Variants in LIN28B observed in about 807,000 individuals in gnomAD.
LIN28B encodes lin-28 RNA binding posttranscriptional regulator B, also known as protein lin-28 homolog B.
LIN28B carries 5 observed loss-of-function variants against 21.9 expected under a neutral mutation model. The ratio of observed to expected loss-of-function variants is 0.23; its 90% CI spans 0.12 to 0.48. LIN28B has a LOEUF of 0.48. LIN28B is among the 20% of genes least tolerant of loss of function. The pLI is 0.98. For missense variants in LIN28B, 245 were observed against 310.5 expected, an observed-to-expected ratio of 0.79 and a Z score of 1.58; for synonymous variants, 109 against 111.3, an observed-to-expected ratio of 0.98 and a Z score of 0.13.
At chr6:104,971,193 G>A (rs531395312) in intron 2 of LIN28B, among the ~76,000 whole-genome samples, 4 of 151,830 alleles carry the variant, frequency 2.6e-5, no homozygotes, top group Non-Finnish European at 5.9e-5. Flanking sequence ...ACATATTTTC[G>A]TGCAAATAAG....
intron 2 of LIN28B, among the ~76,000 whole-genome samples, chr6:105,007,148 A>AGTTGTT (rs1770833675): frequency 6.6e-6 from 1 of 152,212 alleles, no homozygotes; most frequent in African/African-American, 2.4e-5. Flanking sequence ...AACTTGTTAA[A>AGTTGTT]AATTACTATG....
intron 3 of LIN28B, among the ~76,000 whole-genome samples, chr6:105,038,558 C>T (rs1047426816): frequency 2.0e-5 from 3 of 152,286 alleles, no homozygotes; most frequent in South Asian, 4.2e-4. Context: ...TTCTTCACTT[C>T]CAAATCTTGT....
intron 3 of LIN28B, 79 bp downstream of exon 3, chr6:105,026,561 T>C (rs1582904252): frequency 1.1e-6 from 1 of 917,614 alleles, no homozygotes; most frequent in East Asian, 2.5e-5. Flanking sequence ...TCTTACTGCA[T>C]TTCATATTGT....
chr6:104,952,544 A>T (rs567061783), upstream of LIN28B, among the ~76,000 whole-genome samples: 55 of 152,302 alleles, frequency 3.6e-4, no homozygotes, highest in Middle Eastern at 3.4e-3. Flanking sequence ...TATAATTTTT[A>T]AAAAAAGTTA....
rs561018556 is a variant in LIN28B at position 104,968,542 on chromosome 6, A to G, written c.198+10256A>G. On this transcript the variant is annotated intron_variant, in intron 2 of 3. Transcript: ENST00000345080. Reference sequence around the variant, plus strand: ...CCCACTTAAATTTATTACTTTTGTTAATCTTAAAATTAGACTTTTTAAATC... The same window carrying G: ...CCCACTTAAATTTATTACTTTTGTTGATCTTAAAATTAGACTTTTTAAATC... 2.6e-5 allele frequency among the ~76,000 whole-genome samples: 4 copies of G among 152,308 alleles called. No individual in the cohort carries two copies. The East Asian group carries it at 5.8e-4, about 22-fold the overall frequency.
At chr6:105,030,306 C>G (rs2114347673) in intron 3 of LIN28B, among the ~76,000 whole-genome samples, 1 of 152,288 alleles carries the variant, frequency 6.6e-6, no homozygotes, top group South Asian at 2.1e-4. Flanking sequence ...ATGGCTGGAA[C>G]AGTTACCAAG....
At chr6:104,947,382 C>T (rs572323717) in intron 2 of LIN28B, among the ~76,000 whole-genome samples, 17 of 152,290 alleles carry the variant, frequency 1.1e-4, no homozygotes, top group African/African-American at 3.6e-4. Flanking sequence ...CCTTGGCCTC[C>T]CAAAGTGCTG....
intron 3 of LIN28B, among the ~76,000 whole-genome samples, chr6:105,051,136 A>G (rs1199138020): frequency 1.3e-5 from 2 of 151,498 alleles, no homozygotes; most frequent in Non-Finnish European, 2.9e-5. Flanking sequence ...TGTAGTTAAT[A>G]ATGAGTAAAA....
intron 3 of LIN28B, among the ~76,000 whole-genome samples, chr6:105,054,528 C>T (rs952494468): frequency 6.6e-6 from 1 of 152,188 alleles, no homozygotes. Flanking sequence ...TCTTTATCCC[C>T]ATTTCACCTT....
intron 2 of LIN28B, among the ~76,000 whole-genome samples, chr6:104,972,130 C>A (rs1426566765): frequency 1.3e-5 from 2 of 152,114 alleles, no homozygotes; most frequent in African/African-American, 4.8e-5. Context: ...GCCACCACAC[C>A]TGGCTGATTT....
intron 3 of LIN28B, among the ~76,000 whole-genome samples, chr6:105,044,360 A>G (rs1384298109): frequency 6.6e-6 from 1 of 152,140 alleles, no homozygotes; most frequent in East Asian, 1.9e-4. Flanking sequence ...AATTCCTCAA[A>G]GGTAAATCTC....
intron 2 of LIN28B, among the ~76,000 whole-genome samples, chr6:104,995,659 T>G (rs1770583371): frequency 6.6e-6 from 1 of 152,210 alleles, no homozygotes. Flanking sequence ...GTGACATACT[T>G]TCTTCATAGT....
At chr6:104,955,687 G>A (rs967714220), upstream of LIN28B, among the ~76,000 whole-genome samples, 1 of 151,514 alleles carries the variant, frequency 6.6e-6, no homozygotes, top group Non-Finnish European at 1.5e-5. Flanking sequence ...CTGGCATGGT[G>A]GGGGAGGGTC....
At chr6:104,995,442 A>G (rs918025123) in intron 2 of LIN28B, among the ~76,000 whole-genome samples, 1 of 152,190 alleles carries the variant, frequency 6.6e-6, no homozygotes, top group African/African-American at 2.4e-5. Context: ...GGGGCCAGAT[A>G]TAAAATCTGT....
At chr6:105,042,878 C>G (rs994058099) in intron 3 of LIN28B, among the ~76,000 whole-genome samples, 4 of 152,110 alleles carry the variant, frequency 2.6e-5, no homozygotes, top group Non-Finnish European at 5.9e-5. Flanking sequence ...CTTTTAGCCT[C>G]TCTTAAACAG....
At chr6:104,949,308 A>G (rs1735900642) in intron 2 of LIN28B, among the ~76,000 whole-genome samples, 1 of 152,222 alleles carries the variant, frequency 6.6e-6, no homozygotes, top group Non-Finnish European at 1.5e-5. Flanking sequence ...ATTTTGTTAA[A>G]GTTAGGATCT....
chr6:105,016,102 A>G lies in LIN28B; in HGVS notation c.199-10196A>G, dbSNP rs888785486. ...TGATAGGGATTTTAAAAATTTCTTC[A>G]GCCATCATCTATTAAGTACCTCTTA... On this transcript the variant is annotated intron_variant, in intron 2 of 3. Transcript: ENST00000345080. Among the ~76,000 whole-genome samples the G allele has an allele frequency of 7.2e-5, 11 of 152,208 alleles. 1 individual carries two copies. In the East Asian group the frequency reaches 1.9e-3, roughly 27 times the overall value.
chr6:104,953,957 G>A (rs2114558140), upstream of LIN28B, among the ~76,000 whole-genome samples: 1 of 152,228 alleles, frequency 6.6e-6, no homozygotes, highest in African/African-American at 2.4e-5. Context: ...TCGGCTCCTT[G>A]TACTGTTGGA....
chr6:104,991,512 G>A (rs1307200537), intron 2 of LIN28B, among the ~76,000 whole-genome samples: 1 of 150,200 alleles, frequency 6.7e-6, no homozygotes, highest in African/African-American at 2.5e-5. Context: ...GGGAAGAGGC[G>A]CTCCTCACTT....
Sources: gnomAD v4.1 joint callset for allele counts (sites outside exome capture counted in the v4.1 genomes callset) on GRCh38, gnomAD v4.1.1 for gene constraint, MANE v1.5 for transcripts, NCBI Gene and HGNC (gene_info 2026-07-23, HGNC 2026-07-21) for gene names.